The following TTC39B variants were observed in gnomAD, a reference collection of about 807,000 sequenced individuals.
TTC39B encodes tetratricopeptide repeat domain 39B.
In TTC39B, 92 loss-of-function variants were observed where a neutral mutation model predicts 96.6. The observed-to-expected ratio is 0.95, with a 90% CI of 0.80 to 1.13. The LOEUF (loss-of-function observed/expected upper bound fraction) is 1.13. TTC39B is among the 50% of genes most tolerant of loss of function. The pLI is 0.00. For missense variants in TTC39B, 955 were observed against 809.3 expected, an observed-to-expected ratio of 1.18 and a Z score of -2.18; for synonymous variants, 367 against 299.4, an observed-to-expected ratio of 1.23 and a Z score of -2.33.
At chr9:15,196,364 T>G (rs1819168951) in intron 8 of TTC39B, among the ~76,000 whole-genome samples, 1 of 152,228 alleles carries the variant, frequency 6.6e-6, no homozygotes, top group African/African-American at 2.4e-5. Context: ...GAAAACCTTC[T>G]GGAAAGGATT....
At chr9:15,297,088 G>A (rs1824410608) in intron 1 of TTC39B, among the ~76,000 whole-genome samples, 1 of 152,198 alleles carries the variant, frequency 6.6e-6, no homozygotes, top group Admixed American at 6.5e-5. Context: ...ACTCACAGCA[G>A]CTCTCCTGCA....
At position 15,211,297 on chromosome 9, in the gene TTC39B, C is replaced by A. The variant is rs757809582; in HGVS notation, c.583G>T (p.Ala195Ser). ...CAGGTTTGTAAAGCGTCCTTCATGGCAGAAATGCCGTTCTGGATGTCCTGT... is the reference window on the plus strand; with the variant it reads ...CAGGTTTGTAAAGCGTCCTTCATGGAAGAAATGCCGTTCTGGATGTCCTGT... Residue 195 changes from alanine (A) to serine (S), a missense_variant, in exon 5 of 20, where the codon GCC becomes TCC. Ala to Ser is a moderately conservative substitution (Grantham distance 99). Coordinates refer to ENST00000512701, the Ensembl canonical transcript of TTC39B. 3.8e-6 allele frequency: 6 copies of A among 1,581,448 alleles called. No homozygotes were observed. Among genetic ancestry groups the A allele is most frequent in the Non-Finnish European group, 5.1e-6 (6 of 1,166,362 alleles).
intron 1 of TTC39B, among the ~76,000 whole-genome samples, chr9:15,284,726 T>C (rs78248115): frequency 0.045 from 6,787 of 152,278 alleles, 159 homozygotes; most frequent in Non-Finnish European, 0.048. Flanking sequence ...AGCTGGTCTC[T>C]TCTGAGGAGA....
chr9:15,208,119 T>G (rs1465277967), intron 6 of TTC39B, among the ~76,000 whole-genome samples: 1 of 150,714 alleles, frequency 6.6e-6, no homozygotes, highest in Non-Finnish European at 1.5e-5. Flanking sequence ...AACCTCCACC[T>G]CCTGGGTTCA....
intron 11 of TTC39B, 28 bp from the exon 12 acceptor site, chr9:15,189,820 T>C (rs975831502): frequency 6.7e-7 from 1 of 1,500,146 alleles, no homozygotes; most frequent in South Asian, 1.2e-5. Context: ...AAAGACTCAG[T>C]CTTCATAAGA....
At chr9:15,175,240 G>A in intron 18 of TTC39B, 105 bp from the exon 19 acceptor site, 4 of 754,858 alleles carry the variant, frequency 5.3e-6, no homozygotes, top group Non-Finnish European at 8.6e-6. Context: ...GCAGCACTAA[G>A]TCTATTATCA....
At chr9:15,203,539 G>A (rs565519170) in intron 7 of TTC39B, among the ~76,000 whole-genome samples, 1 of 151,950 alleles carries the variant, frequency 6.6e-6, no homozygotes, top group Non-Finnish European at 1.5e-5. Context: ...AGGATTACAG[G>A]CGTGAGCCAC....
chr9:15,276,894 C>A (rs1823564920), intron 1 of TTC39B, among the ~76,000 whole-genome samples: 1 of 152,188 alleles, frequency 6.6e-6, no homozygotes, highest in Non-Finnish European at 1.5e-5. Flanking sequence ...ATATTAAATT[C>A]TCAGATATGG....
intron 15 of TTC39B, 82 bp downstream of exon 15, chr9:15,186,862 A>AT (rs760518563): frequency 3.1e-6 from 4 of 1,297,684 alleles, no homozygotes; most frequent in Non-Finnish European, 3.3e-6. Flanking sequence ...GGCCCAGCTA[A>AT]TTTTTTGTAT....
exon 20 of TTC39B, chr9:15,169,417 C>T: frequency 6.6e-6 from 1 of 152,132 alleles, no homozygotes; most frequent in African/African-American, 2.4e-5. Flanking sequence ...TTATACAGCA[C>T]CAATCAGAAC....
At chr9:15,241,294 T>TAA (rs544903456) in intron 2 of TTC39B, among the ~76,000 whole-genome samples, 4 of 142,462 alleles carry the variant, frequency 2.8e-5, no homozygotes, top group African/African-American at 1.0e-4. Context: ...AATGCAAGGT[T>TAA]AAAAAAAAAA....
intron 1 of TTC39B, among the ~76,000 whole-genome samples, chr9:15,283,787 C>T (rs1321271310): frequency 1.3e-5 from 2 of 152,040 alleles, no homozygotes. Flanking sequence ...TATTTAATAA[C>T]TGATGCTAAG....
At chr9:15,245,029 CATAGT>C (rs1442700072) in intron 2 of TTC39B, among the ~76,000 whole-genome samples, 3 of 152,162 alleles carry the variant, frequency 2.0e-5, no homozygotes. Flanking sequence ...GTTTACAACT[CATAGT>C]ATAATTATTG....
chr9:15,188,034 T>C (rs755484760), exon 14 of TTC39B: 4 of 1,612,898 alleles, frequency 2.5e-6, no homozygotes, highest in East Asian at 2.2e-5. Context: ...TCCAGTTTTG[T>C]TGGAAAACAT....
intron 3 of TTC39B, among the ~76,000 whole-genome samples, chr9:15,223,498 G>C (rs539710302): frequency 3.3e-5 from 5 of 152,328 alleles, no homozygotes; most frequent in African/African-American, 1.2e-4. Context: ...CAAATAGCTA[G>C]TTGTGGAATG....
At chr9:15,291,717 T>C (rs895433429) in intron 1 of TTC39B, among the ~76,000 whole-genome samples, 1 of 152,092 alleles carries the variant, frequency 6.6e-6, no homozygotes, top group African/African-American at 2.4e-5. Context: ...GGACCGTCAC[T>C]GGATCCAAAG....
exon 20 of TTC39B, chr9:15,167,029 T>TATATATATA (rs57165862): frequency 2.4e-4 from 1 of 4,148 alleles, no homozygotes; most frequent in Non-Finnish European, 4.8e-4. Flanking sequence ...TATATATATA[T>TATATATATA]TTTTTTTTTT....
In TTC39B at chr9:15,303,633, AT is replaced by A. The variant is rs199999024; in HGVS notation, c.240+3450del. On this transcript the variant is annotated intron_variant, in intron 1 of 19. Transcript: ENST00000512701. ...TGAACTTTTGTTTCATATGAGAAAA[AT>A]TTTTTTTTTTTTTCTGAGATGGAGT... Among the ~76,000 whole-genome samples, 395 of 145,410 alleles carry A rather than the reference AT, an allele frequency of 2.7e-3. 1 individual carries two copies. The highest frequency in any genetic ancestry group is 7.1e-3 in the Middle Eastern group (2 of 280).
intron 2 of TTC39B, among the ~76,000 whole-genome samples, chr9:15,257,787 C>T (rs1399583706): frequency 2.8e-5 from 4 of 143,556 alleles, no homozygotes; most frequent in Non-Finnish European, 6.1e-5. Flanking sequence ...AGGCCAGGCA[C>T]GGTGGCTCAC....
Sources: gnomAD v4.1 joint callset for allele counts (sites outside exome capture counted in the v4.1 genomes callset) on GRCh38, gnomAD v4.1.1 for gene constraint, MANE v1.5 for transcripts, NCBI Gene and HGNC (gene_info 2026-07-23, HGNC 2026-07-21) for gene names.